Variants in KDR observed in about 807,000 individuals in gnomAD.
The protein encoded by KDR is vascular endothelial growth factor receptor 2.
KDR carries 43 observed loss-of-function variants against 160.9 expected under a neutral mutation model. That is an observed-to-expected ratio of 0.27 (90% CI 0.21 to 0.34). The LOEUF (loss-of-function observed/expected upper bound fraction) is 0.34, where lower values mean the gene tolerates loss of function less well. Ranked by LOEUF, KDR falls within the 10% of genes least tolerant of loss-of-function variation. The pLI, the probability that KDR is intolerant of heterozygous loss-of-function variation, is 1.00. For missense variants in KDR, 1,469 were observed against 1,666.4 expected (o/e 0.88, Z 2.06); for synonymous variants, 617 against 600.1 (o/e 1.03, Z -0.41).
At chr4:55,097,522 TGCA>T in intron 18 of KDR, 137 bp downstream of exon 18, 1 of 638,014 alleles carries the variant, frequency 1.6e-6, no homozygotes. Context: ...TTTTCCAATT[TGCA>T]CAAGGGCATT....
intron 27 of KDR, among the ~76,000 whole-genome samples, chr4:55,087,316 G>A (rs2125489): frequency 0.076 from 11,533 of 152,264 alleles, 574 homozygotes; most frequent in Non-Finnish European, 0.11. Context: ...TGTAAAACTC[G>A]TCTCTTTATT....
chr4:55,104,258 G>A (rs1308275008), intron 13 of KDR, among the ~76,000 whole-genome samples: 1 of 152,096 alleles, frequency 6.6e-6, no homozygotes, highest in Non-Finnish European at 1.5e-5. Flanking sequence ...ACTTCCCAGT[G>A]GTTGCCTATG....
At chr4:55,085,926 C>T (rs570091738) in intron 27 of KDR, among the ~76,000 whole-genome samples, 40 of 152,284 alleles carry the variant, frequency 2.6e-4, no homozygotes, top group Admixed American at 2.0e-3. Context: ...GCAAAGCACC[C>T]GGTGAGCCAG....
rs149590065 is a variant in KDR at position 55,079,945 on chromosome 4, A to G, written c.4067T>C (p.Val1356Ala). 82 of 1,613,912 alleles carry G rather than the reference A, an allele frequency of 5.1e-5. No individual in the cohort carries two copies. In the African/African-American group the frequency reaches 8.9e-4, roughly 18 times the overall value. The part of the protein sequence containing the change: ...DSGTTLSSPP[V>A] ...TGGGGGTGTGGATGCTTCCTTTTAA[A>G]CAGGAGGAGAGCTCAGTGTGGTCCC... is the stretch of plus-strand genomic sequence containing the variant. The change falls in exon 30 of 30, where the codon GTT (valine) becomes GCT (alanine). Residue 1356 changes from valine to alanine, a missense_variant. Physicochemically the swap from Val to Ala is moderately conservative, Grantham distance 64. Coordinates refer to ENST00000263923, the MANE Select transcript of KDR (RefSeq NM_002253.4).
Position 55,092,370 on chromosome 4 carries a change from A to G in KDR, c.3069+247T>C, listed in dbSNP as rs1304857463. ...CCTGATTGTTCACCACAGTATCCTC[A>G]GTGCTCAGAAGACTGCCTCACACTT... On this transcript the variant is annotated intron_variant, in intron 22 of 29. Transcript: ENST00000263923. 1.2e-5 allele frequency: 6 copies of G among 497,790 alleles called. No individual in the cohort carries two copies. In the East Asian group the frequency reaches 1.8e-4, roughly 15 times the overall value. 30.8% of individuals were successfully genotyped at this position (497,790 alleles called of 1,614,324 possible). A position where few individuals can be genotyped will look rare whatever the true frequency, so the allele number is the denominator to read the frequency against.
intron 1 of KDR, among the ~76,000 whole-genome samples, chr4:55,124,820 C>T (rs1480951040): frequency 6.6e-6 from 1 of 152,190 alleles, no homozygotes; most frequent in African/African-American, 2.4e-5. Flanking sequence ...GCAAGGTTTT[C>T]TTCCCCGGGC....
chr4:55,113,027 T>C (rs1378920776), intron 7 of KDR, among the ~76,000 whole-genome samples: 1 of 152,336 alleles, frequency 6.6e-6, no homozygotes. Flanking sequence ...ATACTATTTA[T>C]CATAGTAACA....
chr4:55,087,562 C>T, intron 27 of KDR, 45 bp downstream of exon 27: 1 of 1,595,360 alleles, frequency 6.3e-7, no homozygotes, highest in Non-Finnish European at 8.6e-7. Flanking sequence ...CCGAGATGGC[C>T]TTGAAGTCAC....
At chr4:55,081,379 T>C (rs879289166) in intron 29 of KDR, among the ~76,000 whole-genome samples, 2 of 152,192 alleles carry the variant, frequency 1.3e-5, no homozygotes, top group Non-Finnish European at 2.9e-5. Flanking sequence ...TAGATTTTCA[T>C]TGATTTGTTA....
intron 2 of KDR, among the ~76,000 whole-genome samples, chr4:55,119,838 A>G (rs567833154): frequency 6.6e-6 from 1 of 152,334 alleles, no homozygotes; most frequent in African/African-American, 2.4e-5. Flanking sequence ...CAAGGAAGAT[A>G]AGAAGATAGT....
chr4:55,107,619 C>T (rs761430691), intron 10 of KDR, 118 bp downstream of exon 10: 1 of 1,215,698 alleles, frequency 8.2e-7, no homozygotes, highest in Non-Finnish European at 1.2e-6. Flanking sequence ...TTCAGGCTAC[C>T]TCTTGAGAGA....
At chr4:55,117,737 T>G (rs886552375) in intron 3 of KDR, among the ~76,000 whole-genome samples, 1 of 152,208 alleles carries the variant, frequency 6.6e-6, no homozygotes, top group African/African-American at 2.4e-5. Context: ...CGTAAATACA[T>G]AAAATGTCTG....
chr4:55,120,567 C>T (rs546050951), intron 2 of KDR, among the ~76,000 whole-genome samples: 52 of 152,226 alleles, frequency 3.4e-4, no homozygotes, highest in African/African-American at 1.0e-3. Context: ...GTAGATCATG[C>T]GCTCAGTAAT....
At chr4:55,104,067 AG>A (rs1254051806) in intron 13 of KDR, among the ~76,000 whole-genome samples, 1 of 152,178 alleles carries the variant, frequency 6.6e-6, no homozygotes, top group African/African-American at 2.4e-5. Flanking sequence ...CAGTGAATGT[AG>A]CTTCCTTCCC....
intron 2 of KDR, 129 bp downstream of exon 2, chr4:55,120,968 T>C (rs1384260867): frequency 1.5e-6 from 1 of 652,460 alleles, no homozygotes; most frequent in African/African-American, 1.8e-5. Flanking sequence ...CATCAGTTCT[T>C]AGAAACCTCA....
intron 18 of KDR, chr4:55,096,833 G>A (rs1247230685): frequency 5.0e-6 from 1 of 200,604 alleles, no homozygotes. Context: ...GTTGGCACAT[G>A]AGGCTGATGG....
At chr4:55,103,659 A>C (rs1167169435) in intron 13 of KDR, among the ~76,000 whole-genome samples, 1 of 152,062 alleles carries the variant, frequency 6.6e-6, no homozygotes, top group Admixed American at 6.6e-5. Flanking sequence ...AAACTAGCGA[A>C]CTTTATGCTA....
Position 55,118,800 on chromosome 4 carries a change from C to T in KDR, c.162G>A (p.Arg54=), listed in dbSNP as rs1720796227. 3 of 1,613,634 alleles carry T rather than the reference C, an allele frequency of 1.9e-6. No homozygotes were observed. The highest frequency in any genetic ancestry group is 2.5e-6 in the Non-Finnish European group (3 of 1,179,610). ...AAAGCCAGTCCAAGTCCCTCTGTCCCCTGAAAAATTAATTTCAGGGAGGTA... is the reference window on the plus strand; with the variant it reads ...AAAGCCAGTCCAAGTCCCTCTGTCCTCTGAAAAATTAATTTCAGGGAGGTA... ...KANTTLQITC[R]GQRDLDWLWP... Residue 54 remains arginine, a splice_region_variant and synonymous_variant, in exon 3 of 30, where the codon AGG becomes AGA. Transcript: ENST00000263923.
intron 12 of KDR, 61 bp from the exon 13 acceptor site, chr4:55,105,045 C>A: frequency 7.3e-7 from 1 of 1,377,724 alleles, no homozygotes; most frequent in Non-Finnish European, 1.0e-6. Context: ...TCACTATCAT[C>A]TTGCTGCTTT....
Sources: gnomAD v4.1 joint callset for allele counts (sites outside exome capture counted in the v4.1 genomes callset) on GRCh38, gnomAD v4.1.1 for gene constraint, MANE v1.5 for transcripts, NCBI Gene and HGNC (gene_info 2026-07-23, HGNC 2026-07-21) for gene names.